Variants in GRIK1 observed in about 807,000 individuals in gnomAD.
GRIK1 encodes the protein glutamate ionotropic receptor kainate type subunit 1.
Under a neutral mutation model 105.7 loss-of-function variants are expected in GRIK1, and 69 were observed. That is an observed-to-expected ratio of 0.65 (90% CI 0.54 to 0.80). GRIK1 has a LOEUF of 0.80. Among genes scored for constraint, GRIK1 ranks in the 30% least tolerant of loss-of-function variants. The probability of loss-of-function intolerance (pLI) is 0.00; values close to 1 mark genes in which losing one functional copy is unlikely to be tolerated. For missense variants in GRIK1, 1,109 were observed against 1,167.3 expected (o/e 0.95, Z 0.73); for synonymous variants, 438 against 431.3 (o/e 1.02, Z -0.19).
intron 1 of GRIK1, among the ~76,000 whole-genome samples, chr21:29,871,738 C>T (rs543465511): frequency 5.9e-4 from 88 of 150,234 alleles, no homozygotes; most frequent in South Asian, 5.7e-3. Flanking sequence ...AAAGTGACTA[C>T]TACCAAAAGC....
chr21:29,871,852 C>T (rs919105527), intron 1 of GRIK1, among the ~76,000 whole-genome samples: 2 of 147,436 alleles, frequency 1.4e-5, no homozygotes, highest in African/African-American at 5.0e-5. Context: ...CAGCCTCAAC[C>T]TCCCAGGCTC....
chr21:29,721,399 G>A (rs950494961), intron 1 of GRIK1, among the ~76,000 whole-genome samples: 2 of 152,076 alleles, frequency 1.3e-5, no homozygotes, highest in Admixed American at 6.6e-5. Context: ...GAGACCAGCC[G>A]CTTTCTCTTA....
chr21:29,662,465 G>T (rs1209832968), intron 4 of GRIK1, among the ~76,000 whole-genome samples: 1 of 152,086 alleles, frequency 6.6e-6, no homozygotes, highest in Non-Finnish European at 1.5e-5. Flanking sequence ...AATTTTAACA[G>T]CAAATTATTG....
intron 1 of GRIK1, among the ~76,000 whole-genome samples, chr21:29,795,443 T>C (rs1018312047): frequency 3.9e-5 from 6 of 152,180 alleles, no homozygotes; most frequent in African/African-American, 1.2e-4. Context: ...TCCTTGCTGC[T>C]CAGGTTCCTG....
intron 14 of GRIK1, among the ~76,000 whole-genome samples, chr21:29,565,697 G>C (rs929628376): frequency 6.6e-6 from 1 of 152,172 alleles, no homozygotes. Context: ...GCCTCCCAAA[G>C]TGCTGGGATT....
chr21:29,894,687 C>T (rs577578352), intron 1 of GRIK1, among the ~76,000 whole-genome samples: 5 of 152,242 alleles, frequency 3.3e-5, no homozygotes, highest in African/African-American at 1.2e-4. Flanking sequence ...GCCTTATAAA[C>T]ACACTGCTCA....
intron 1 of GRIK1, among the ~76,000 whole-genome samples, chr21:29,707,871 T>C (rs1274306076): frequency 6.6e-6 from 1 of 152,204 alleles, no homozygotes; most frequent in African/African-American, 2.4e-5. Context: ...AATATTTCAT[T>C]GTCTGGATAT....
chr21:29,601,251 G>T (rs751410238), intron 7 of GRIK1: 7 of 507,762 alleles, frequency 1.4e-5, no homozygotes, highest in African/African-American at 1.4e-4. Flanking sequence ...GCCTTCACCT[G>T]TTCTTGAGAA....
intron 7 of GRIK1, among the ~76,000 whole-genome samples, chr21:29,640,545 T>C (rs569428027): frequency 6.6e-6 from 1 of 152,276 alleles, no homozygotes; most frequent in East Asian, 1.9e-4. Context: ...TTCTTTGGAG[T>C]GAATGAATAT....
chr21:29,786,258 A>G (rs1420417216), intron 1 of GRIK1, among the ~76,000 whole-genome samples: 1 of 152,186 alleles, frequency 6.6e-6, no homozygotes, highest in Non-Finnish European at 1.5e-5. Context: ...AAGTGTTGGG[A>G]ATACCCGCGT....
At position 29,693,972 on chromosome 21, in the gene GRIK1, G is replaced by A. The variant is rs766551637; in HGVS notation, c.210C>T (p.Thr70=). Residue 70 remains threonine (T), a synonymous_variant, in exon 2 of 18, where the codon ACC becomes ACT. Coordinates refer to ENST00000327783, the MANE Select transcript of GRIK1 (RefSeq NM_001330994.2). ...AGGTTAATGTGGTGTTAGGCATCAG[G>A]GTTCGGTTTCTGTTAATGCTGGTGA... ...FAVTSINRNR[T]LMPNTTLTYD... The A allele has an allele frequency of 6.8e-6, 11 of 1,611,998 alleles. No homozygotes were observed. In the East Asian group the frequency reaches 2.0e-4, roughly 29 times the overall value.
At chr21:29,552,298 A>G (rs968188102) in intron 16 of GRIK1, among the ~76,000 whole-genome samples, 1 of 152,140 alleles carries the variant, frequency 6.6e-6, no homozygotes, top group South Asian at 2.1e-4. Flanking sequence ...TTTAGAAAAG[A>G]TGAAACACAC....
chr21:29,772,580 T>C (rs2065839293), intron 1 of GRIK1, among the ~76,000 whole-genome samples: 1 of 152,190 alleles, frequency 6.6e-6, no homozygotes, highest in South Asian at 2.1e-4. Context: ...CAATTAACTA[T>C]TTGTCATCCC....
intron 1 of GRIK1, among the ~76,000 whole-genome samples, chr21:29,694,326 G>T (rs2063650308): frequency 6.6e-6 from 1 of 151,922 alleles, no homozygotes; most frequent in African/African-American, 2.4e-5. Context: ...GTTTCCCCAT[G>T]TTGGCCAGGC....
At chr21:29,779,630 T>G (rs1308156614) in intron 1 of GRIK1, among the ~76,000 whole-genome samples, 1 of 152,166 alleles carries the variant, frequency 6.6e-6, no homozygotes, top group Non-Finnish European at 1.5e-5. Context: ...AAGGGGAGGC[T>G]TTATGGCCAT....
At chr21:29,653,188 G>A (rs2062777595) in intron 5 of GRIK1, among the ~76,000 whole-genome samples, 1 of 152,170 alleles carries the variant, frequency 6.6e-6, no homozygotes, top group Non-Finnish European at 1.5e-5. Flanking sequence ...AATGAGTCCG[G>A]TAGCACACTC....
rs140145447 is a variant in GRIK1 at position 29,642,919 on chromosome 21, C to G, written c.1005G>C (p.Ser335=). 21 of 1,613,678 alleles carry G rather than the reference C, an allele frequency of 1.3e-5. No individual in the cohort carries two copies. In the East Asian group the frequency reaches 3.6e-4, roughly 27 times the overall value. Reference sequence around the variant, plus strand: ...TGACGGTCAGCTGGGATGCCCGGTGCGAGGCAATGGCCACCATGTACACAG... The same window carrying G: ...TGACGGTCAGCTGGGATGCCCGGTGGGAGGCAATGGCCACCATGTACACAG... ...YDAVYMVAIA[S]HRASQLTVSS... is the part of the protein sequence containing the mutation. Residue 335 remains serine (S), a synonymous_variant, in exon 7 of 18, where the codon TCG becomes TCC. Coordinates refer to ENST00000327783, the MANE Select transcript of GRIK1 (RefSeq NM_001330994.2).
chr21:29,889,453 T>C (rs1211644646), intron 1 of GRIK1, among the ~76,000 whole-genome samples: 3 of 152,116 alleles, frequency 2.0e-5, no homozygotes, highest in Non-Finnish European at 2.9e-5. Flanking sequence ...TCTATAATTG[T>C]ACTGATCCCT....
At chr21:29,543,831 G>A (rs771862529) in intron 16 of GRIK1, among the ~76,000 whole-genome samples, 1 of 152,098 alleles carries the variant, frequency 6.6e-6, no homozygotes. Flanking sequence ...TGCCTGGCCC[G>A]TTTTCTTGCA....
Sources: gnomAD v4.1 joint callset for allele counts (sites outside exome capture counted in the v4.1 genomes callset) on GRCh38, gnomAD v4.1.1 for gene constraint, MANE v1.5 for transcripts, NCBI Gene and HGNC (gene_info 2026-07-23, HGNC 2026-07-21) for gene names.